MARCHF1: variants seen among roughly 807,000 people sequenced by gnomAD.
MARCHF1 encodes E3 ubiquitin-protein ligase MARCHF1.
In MARCHF1, 40 loss-of-function variants were observed where a neutral mutation model predicts 54.2. The observed-to-expected ratio is 0.74, with a 90% CI of 0.57 to 0.96. The LOEUF (loss-of-function observed/expected upper bound fraction) is 0.96. MARCHF1 is among the 40% of genes least tolerant of loss of function. MARCHF1 has a pLI of 0.00. For synonymous variants in MARCHF1, 236 were observed against 236.3 expected (o/e 1.00, Z 0.01); for missense variants, 586 against 656.5 (o/e 0.89, Z 1.17).
chr4:164,222,957 T>C (rs936028950), intron 1 of MARCHF1, among the ~76,000 whole-genome samples: 3 of 151,984 alleles, frequency 2.0e-5, no homozygotes, highest in South Asian at 4.1e-4. Context: ...CTCACAATCA[T>C]GGCAGAAGAT....
chr4:163,654,208 G>A (rs1413826523), intron 5 of MARCHF1, among the ~76,000 whole-genome samples: 1 of 151,658 alleles, frequency 6.6e-6, no homozygotes, highest in Non-Finnish European at 1.5e-5. Flanking sequence ...CTTGATCATT[G>A]AAACATGATG....
At chr4:163,801,549 T>G (rs1049151624) in intron 4 of MARCHF1, among the ~76,000 whole-genome samples, 1 of 152,140 alleles carries the variant, frequency 6.6e-6, no homozygotes, top group Non-Finnish European at 1.5e-5. Flanking sequence ...AGGTATATCA[T>G]AACATCAGTA....
intron 4 of MARCHF1, among the ~76,000 whole-genome samples, chr4:163,767,820 A>G (rs1747034353): frequency 1.3e-5 from 2 of 152,106 alleles, no homozygotes; most frequent in Admixed American, 1.3e-4. Flanking sequence ...CCTTTTCTTT[A>G]AAATAAAAAA....
intron 1 of MARCHF1, among the ~76,000 whole-genome samples, chr4:164,155,705 G>A (rs1730058918): frequency 6.6e-6 from 1 of 152,094 alleles, no homozygotes; most frequent in African/African-American, 2.4e-5. Context: ...ATTACTTAAT[G>A]GGTATAATAC....
chr4:164,086,364 G>A (rs980581337), intron 2 of MARCHF1, among the ~76,000 whole-genome samples: 1 of 151,718 alleles, frequency 6.6e-6, no homozygotes, highest in Non-Finnish European at 1.5e-5. Flanking sequence ...GAAAACTTTT[G>A]TTTCAAAAAT....
chr4:163,924,650 T>C (rs926398871), intron 3 of MARCHF1, among the ~76,000 whole-genome samples: 2 of 151,924 alleles, frequency 1.3e-5, no homozygotes, highest in South Asian at 4.2e-4. Flanking sequence ...TTGACAATAG[T>C]ATGAGGTGGG....
chr4:163,557,549 G>A (rs112702848), intron 8 of MARCHF1, among the ~76,000 whole-genome samples: 2 of 152,100 alleles, frequency 1.3e-5, no homozygotes, highest in African/African-American at 2.4e-5. Context: ...TTGAGACATA[G>A]GTGATAATTT....
chr4:163,540,436 C>T (rs1738685416), intron 9 of MARCHF1, among the ~76,000 whole-genome samples: 1 of 152,100 alleles, frequency 6.6e-6, no homozygotes, highest in South Asian at 2.1e-4. Flanking sequence ...TTCTTCTTTA[C>T]TTTTGTCCTG....
At chr4:163,910,892 T>A (rs1303084996) in intron 3 of MARCHF1, among the ~76,000 whole-genome samples, 1 of 152,358 alleles carries the variant, frequency 6.6e-6, no homozygotes, top group Non-Finnish European at 1.5e-5. Flanking sequence ...ATTTGCTACA[T>A]GTTCGACTCC....
chr4:164,282,220 A>G (rs1468480280), intron 1 of MARCHF1, among the ~76,000 whole-genome samples: 1 of 150,600 alleles, frequency 6.6e-6, no homozygotes, highest in Non-Finnish European at 1.5e-5. Flanking sequence ...TTTCTGTATC[A>G]TTTGACTCCT....
intron 2 of MARCHF1, among the ~76,000 whole-genome samples, chr4:164,082,007 G>T (rs1755111635): frequency 6.6e-6 from 1 of 152,132 alleles, no homozygotes; most frequent in Non-Finnish European, 1.5e-5. Context: ...GGCCTGTTCT[G>T]TGCGTGTAAT....
chr4:164,168,000 A>T (rs1730424212), intron 1 of MARCHF1, among the ~76,000 whole-genome samples: 1 of 152,040 alleles, frequency 6.6e-6, no homozygotes, highest in South Asian at 2.1e-4. Context: ...TACTCGGAAA[A>T]CATATTTGTA....
At chr4:164,366,664 AT>A (rs1004076747) in intron 1 of MARCHF1, among the ~76,000 whole-genome samples, 11 of 151,744 alleles carry the variant, frequency 7.2e-5, no homozygotes, top group African/African-American at 2.4e-4. Context: ...AAACTGTTGC[AT>A]TTTTGCCTCA....
intron 2 of MARCHF1, among the ~76,000 whole-genome samples, chr4:164,057,911 G>T (rs1004201478): frequency 6.6e-6 from 1 of 152,022 alleles, no homozygotes; most frequent in South Asian, 2.1e-4. Context: ...AGAAAATGTG[G>T]CACATATACA....
chr4:163,805,721 A>G (rs1335570360), intron 4 of MARCHF1, among the ~76,000 whole-genome samples: 1 of 152,152 alleles, frequency 6.6e-6, no homozygotes, highest in East Asian at 1.9e-4. Flanking sequence ...AAAAATGCAG[A>G]CCTTGGTGTA....
intron 1 of MARCHF1, among the ~76,000 whole-genome samples, chr4:164,257,861 C>T (rs1733337272): frequency 6.6e-6 from 1 of 152,076 alleles, no homozygotes; most frequent in South Asian, 2.1e-4. Flanking sequence ...CCCAGCTACT[C>T]TGGGGGCTGA....
chr4:163,862,425 T>C (rs996313615), intron 3 of MARCHF1, among the ~76,000 whole-genome samples: 1 of 151,984 alleles, frequency 6.6e-6, no homozygotes, highest in African/African-American at 2.4e-5. Flanking sequence ...ATAAAGAAGA[T>C]ATACAAATGG....
At chr4:163,988,420 T>C (rs1752910630) in intron 3 of MARCHF1, 81 bp downstream of exon 3, 1 of 152,272 alleles carries the variant, frequency 6.6e-6, no homozygotes, top group Admixed American at 6.5e-5. Flanking sequence ...CTGAAGCCCT[T>C]GCCATGTCCC....
chr4:163,944,037 G>A (rs1751972537), intron 3 of MARCHF1, among the ~76,000 whole-genome samples: 1 of 151,296 alleles, frequency 6.6e-6, no homozygotes, highest in Non-Finnish European at 1.5e-5. Context: ...ATGTGATCTC[G>A]CTCACTGCAA....
Sources: allele counts gnomAD v4.1 joint callset (sites outside exome capture counted in the v4.1 genomes callset), GRCh38; gene constraint gnomAD v4.1.1; transcripts MANE v1.5; gene names NCBI Gene and HGNC (gene_info 2026-07-23, HGNC 2026-07-21).